Variants in PODNL1 observed in about 807,000 individuals in gnomAD.
PODNL1 encodes podocan-like protein 1.
A neutral mutation model predicts 45.1 loss-of-function variants in PODNL1; 50 were observed. The observed-to-expected ratio is 1.11, with a 90% CI of 0.88 to 1.40. The LOEUF is 1.40. PODNL1 is among the 40% of genes most tolerant of loss of function. The pLI is 0.00. For missense variants in PODNL1, 788 were observed against 793.3 expected (o/e 0.99, Z 0.08); for synonymous variants, 406 against 372.5 (o/e 1.09, Z -1.04).
chr19:13,937,748 A>C, intron 2 of PODNL1, 37 bp downstream of exon 2: 5 of 1,539,340 alleles, frequency 3.2e-6, no homozygotes, highest in Non-Finnish European at 4.4e-6. Context: ...ACTGGGTCTC[A>C]GCCCTGCATG....
chr19:13,952,611 G>A, intron 1 of PODNL1: 1 of 1,265,556 alleles, frequency 7.9e-7, no homozygotes, highest in Non-Finnish European at 1.0e-6. Flanking sequence ...GGCGGCGGCG[G>A]GAGCACGTCC....
chr19:13,934,428 C>T lies in PODNL1; in HGVS notation c.495-18G>A. The T allele has an allele frequency of 6.7e-7, 1 of 1,486,592 alleles. No homozygotes were observed. Among genetic ancestry groups the T allele is most frequent in the Non-Finnish European group, 9.0e-7 (1 of 1,116,864 alleles). The allele number at this position is 1,486,592 out of a possible 1,614,324, so 92.1% of individuals were successfully genotyped here. ...ACACGGACCTGAGGAGAGCCAGGCT[C>T]CGGCCACCAGCCTGCCCCTCGCCTC... On this transcript the variant is annotated intron_variant, in intron 5 of 9. Transcript: ENST00000588872.
Position 13,934,165 on chromosome 19 carries a change from G to A in PODNL1, c.651+89C>T, listed in dbSNP as rs914598716. 6.4e-6 allele frequency: 9 copies of A among 1,416,794 alleles called. No individual in the cohort carries two copies. The African/African-American group carries it at 1.3e-4, about 20-fold the overall frequency. 87.8% of individuals were successfully genotyped at this position (1,416,794 alleles called of 1,614,324 possible). A position where few individuals can be genotyped will look rare whatever the true frequency, so the allele number is the denominator to read the frequency against. ...ACCACTGGCATTCTGAGGGGCAATT[G>A]AGAAGAATGGAAAGCTAGGAACTGG... On this transcript the variant is annotated intron_variant, in intron 6 of 9. Coordinates refer to ENST00000588872, the MANE Select transcript of PODNL1 (RefSeq NM_001370095.3).
At chr19:13,934,896 T>G (rs1400859163) in intron 5 of PODNL1, among the ~76,000 whole-genome samples, 2 of 151,866 alleles carry the variant, frequency 1.3e-5, no homozygotes, top group East Asian at 1.9e-4. Flanking sequence ...TGTGTATGCA[T>G]GTATGTCCAT....
Position 13,931,530 on chromosome 19 carries a change from G to C in PODNL1, c.*207C>G, listed in dbSNP as rs920275609. On this transcript the variant is annotated 3_prime_UTR_variant, in exon 10 of 10. Coordinates refer to ENST00000588872, the MANE Select transcript of PODNL1 (RefSeq NM_001370095.3). ...CCATCTGTGTTGGGAGTTTGGGGTA[G>C]GGTGTGTCCCGCCAGGCCGGCGTGG... is the stretch of plus-strand genomic sequence containing the variant. 1 of 453,308 alleles carries C rather than the reference G, an allele frequency of 2.2e-6. No individual in the cohort carries two copies. Among genetic ancestry groups the C allele is most frequent in the African/African-American group, 2.0e-5 (1 of 49,692 alleles). The allele number at this position is 453,308 out of a possible 1,614,324, so 28.1% of individuals were successfully genotyped here. A position where few individuals can be genotyped will look rare whatever the true frequency, so the allele number is the denominator to read the frequency against.
chr19:13,934,919 T>C (rs1173131097), intron 5 of PODNL1, among the ~76,000 whole-genome samples: 5 of 151,716 alleles, frequency 3.3e-5, no homozygotes, highest in Non-Finnish European at 7.4e-5. Context: ...GTGCATGTGA[T>C]CATGTGCAAA....
At chr19:13,935,350 A>G (rs1438159936) in intron 5 of PODNL1, among the ~76,000 whole-genome samples, 2 of 152,104 alleles carry the variant, frequency 1.3e-5, no homozygotes, top group Admixed American at 6.6e-5. Context: ...ATTTTGAGAC[A>G]GAGTCTCACT....
intron 8 of PODNL1, 159 bp downstream of exon 8, chr19:13,932,639 A>AG: frequency 6.5e-7 from 1 of 1,532,698 alleles, no homozygotes; most frequent in Non-Finnish European, 8.8e-7. Context: ...TACAGGCATG[A>AG]GCCACCTCAC....
chr19:13,952,687 G>C, intron 1 of PODNL1: 1 of 1,127,312 alleles, frequency 8.9e-7, no homozygotes, highest in Non-Finnish European at 1.1e-6. Context: ...GGAGGGTGGG[G>C]AGTAGGGACG....
At chr19:13,952,570 C>T in intron 1 of PODNL1, 1 of 1,264,638 alleles carries the variant, frequency 7.9e-7, no homozygotes, top group Non-Finnish European at 1.0e-6. Flanking sequence ...CGGCGGCGGC[C>T]CCGGGGGAGC....
Position 13,933,896 on chromosome 19 carries a change from A to G in PODNL1, c.749T>C (p.Leu250Pro), listed in dbSNP as rs1972138929. ...CCTGTACCTGAAGGTGGTGGCATCCAGGCCACTGTCTGTCAGCTGGTTGTG... is the reference window on the plus strand; with the variant it reads ...CCTGTACCTGAAGGTGGTGGCATCCGGGCCACTGTCTGTCAGCTGGTTGTG... ...LQHNQLTDSG[L>P]DATTFSKLHS... Residue 250 changes from leucine (L) to proline (P), a missense_variant, in exon 7 of 10, where the codon CTG (leucine) becomes CCG (proline). Physicochemically the swap from Leu to Pro is moderately conservative, Grantham distance 98. Around this residue, in one of 3 missense-constraint regions of PODNL1, gnomAD observed 762 missense variants for 750.9 expected, o/e 1.01. Transcript: ENST00000588872. This position sits in a 1 kb window ranked among gnomAD's most constrained non-coding sequence, Gnocchi z 5.2. The G allele has an allele frequency of 1.2e-6, 2 of 1,609,654 alleles. No individual in the cohort carries two copies. Among genetic ancestry groups the G allele is most frequent in the Non-Finnish European group, 1.7e-6 (2 of 1,178,262 alleles).
chr19:13,947,240 G>A (rs1266652820), intron 1 of PODNL1, among the ~76,000 whole-genome samples: 1 of 147,928 alleles, frequency 6.8e-6, no homozygotes, highest in Non-Finnish European at 1.5e-5. Flanking sequence ...CAGCACTTTA[G>A]GAGGCCAAGG....
Position 13,933,444 on chromosome 19 carries a change from C to G in PODNL1, c.779G>C (p.Ser260Thr). ...LDATTFSKLH[S>T]LEYLDLSHNQ... ...GTGGGAGAGATCCAGGTATTCAAGG[C>G]TATGCAGCTTGCTGGAAGGAGAGAG... The change falls in exon 8 of 10, where the codon AGC becomes ACC. Residue 260 changes from serine to threonine, a missense_variant. Ser to Thr is a moderately conservative substitution (Grantham distance 58). Transcript: ENST00000588872. This position sits in a 1 kb window ranked among gnomAD's most constrained non-coding sequence, Gnocchi z 5.2. 1 of 1,568,942 alleles carries G rather than the reference C, an allele frequency of 6.4e-7. No individual in the cohort carries two copies. Among genetic ancestry groups the G allele is most frequent in the Non-Finnish European group, 8.6e-7 (1 of 1,158,426 alleles).
chr19:13,932,367 C>CTT, intron 8 of PODNL1: 1 of 485,996 alleles, frequency 2.1e-6, no homozygotes, highest in South Asian at 6.4e-5. Flanking sequence ...TCTTTCATCA[C>CTT]TTTTTTTTTC....
intron 5 of PODNL1, among the ~76,000 whole-genome samples, chr19:13,935,147 T>TGC (rs201870295): frequency 0.018 from 2,681 of 151,964 alleles, 86 homozygotes; most frequent in African/African-American, 0.062. Context: ...TGTGTAAGTG[T>TGC]GTGTGTGTGT....
intron 5 of PODNL1, 30 bp downstream of exon 5, chr19:13,935,691 C>G (rs568991640): frequency 1.4e-6 from 2 of 1,466,060 alleles, no homozygotes; most frequent in South Asian, 1.4e-5. Flanking sequence ...GTATCTGAGG[C>G]CTGGGGGCCT....
chr19:13,938,265 T>G lies in PODNL1; in HGVS notation c.-84A>C. The G allele has an allele frequency of 1.3e-6, 2 of 1,534,906 alleles. No homozygotes were observed. Among genetic ancestry groups the G allele is most frequent in the Non-Finnish European group, 1.7e-6 (2 of 1,143,360 alleles). ...CCAGGCGGTCACCTCCTGGAGCCTC[T>G]GCTGTGGCCACCACCGCCCCCCATC... On this transcript the variant is annotated 5_prime_UTR_variant, in exon 1 of 10. Coordinates refer to ENST00000588872, the MANE Select transcript of PODNL1 (RefSeq NM_001370095.3).
Position 13,933,292 on chromosome 19 carries a change from G to C in PODNL1, c.931C>G (p.Leu311Val), listed in dbSNP as rs1207324085. 1 of 1,579,866 alleles carries C rather than the reference G, an allele frequency of 6.3e-7. No individual in the cohort carries two copies. Among genetic ancestry groups the C allele is most frequent in the African/African-American group, 1.3e-5 (1 of 74,648 alleles). The change falls in exon 8 of 10, where the codon CTG (leucine) becomes GTG (valine). Residue 311 changes from leucine (L) to valine (V), a missense_variant. Around this residue, in one of 3 missense-constraint regions of PODNL1, gnomAD observed 762 missense variants for 750.9 expected, o/e 1.01. Coordinates refer to ENST00000588872, the MANE Select transcript of PODNL1 (RefSeq NM_001370095.3). The surrounding 1 kb of genome is among the most constrained non-coding windows in gnomAD (Gnocchi z 5.2). The part of the protein sequence containing the change: ...HGARGLRYLL[L>V]QHNQLGSSGL... Reference sequence around the variant, plus strand: ...GAGCTCCCCAGCTGGTTGTGCTGCAGCAACAAATAGCGCAGACCACGCGCC... The same window carrying C: ...GAGCTCCCCAGCTGGTTGTGCTGCACCAACAAATAGCGCAGACCACGCGCC...
chr19:13,948,798 G>T (rs1225586180), intron 1 of PODNL1, among the ~76,000 whole-genome samples: 1 of 108,530 alleles, frequency 9.2e-6, no homozygotes, highest in East Asian at 2.8e-4. Flanking sequence ...AAAAAAAAAA[G>T]CCAGGCATGG....
Sources: gnomAD v4.1 joint callset for allele counts (sites outside exome capture counted in the v4.1 genomes callset) on GRCh38, gnomAD v4.1.1 for gene constraint, gnomAD v4.1.1 regional missense constraint, Gnocchi (gnomAD v3.1) non-coding constraint, MANE v1.5 for transcripts, NCBI Gene and HGNC (gene_info 2026-07-23, HGNC 2026-07-21) for gene names.